PIK3R5: variants seen among roughly 807,000 people sequenced by gnomAD.
The protein encoded by PIK3R5 is phosphoinositide-3-kinase regulatory subunit 5.
Under a neutral mutation model 94.9 loss-of-function variants are expected in PIK3R5, and 32 were observed. That is an observed-to-expected ratio of 0.34 (90% CI 0.25 to 0.45). The LOEUF is 0.45. Ranked by LOEUF, PIK3R5 falls within the 20% of genes least tolerant of loss-of-function variation. The pLI is 1.00. For missense variants in PIK3R5, 853 were observed against 1,144.6 expected (o/e 0.75, Z 3.68); for synonymous variants, 443 against 479.4 (o/e 0.92, Z 0.99).
chr17:8,921,563 TA>T (rs1184078091), intron 1 of PIK3R5, among the ~76,000 whole-genome samples: 1 of 152,200 alleles, frequency 6.6e-6, no homozygotes, highest in Non-Finnish European at 1.5e-5. Flanking sequence ...CACAAATTAA[TA>T]TAGAAATCAA....
In PIK3R5 at chr17:8,884,841, C is replaced by T. The variant is rs1330596085; in HGVS notation, c.2129-58G>A. 8 of 1,486,520 alleles carry T rather than the reference C, an allele frequency of 5.4e-6. No homozygotes were observed. Among genetic ancestry groups the T allele is most frequent in the East Asian group, 4.5e-5 (2 of 44,286 alleles). 92.1% of individuals were successfully genotyped at this position (1,486,520 alleles called of 1,614,324 possible). A position where few individuals can be genotyped will look rare whatever the true frequency, so the allele number is the denominator to read the frequency against. ...CCTGGCTTCCCCGGCTCCTCACGAA[C>T]GCAGTGGCCTTGCCTCCCTGGGCCT... On this transcript the variant is annotated intron_variant, in intron 14 of 18. Transcript: ENST00000447110. The surrounding 1 kb of genome is among the most constrained non-coding windows in gnomAD (Gnocchi z 5.8).
In PIK3R5 at chr17:8,911,304, G is replaced by T. The variant is rs1177868994; in HGVS notation, c.103+88C>A. Reference sequence around the variant, plus strand: ...ACAGACAGGGTTTCACCTAGAATTTGCCAGTTTCCATGCCTGGTCCAGTGC... The same window carrying T: ...ACAGACAGGGTTTCACCTAGAATTTTCCAGTTTCCATGCCTGGTCCAGTGC... On this transcript the variant is annotated intron_variant, in intron 2 of 18. Transcript: ENST00000447110. The surrounding 1 kb of genome is among the most constrained non-coding windows in gnomAD (Gnocchi z 5.3). 3.0e-6 allele frequency: 3 copies of T among 991,008 alleles called. No individual in the cohort carries two copies. The highest frequency in any genetic ancestry group is 4.7e-6 in the Non-Finnish European group (3 of 643,216). 61.4% of individuals were successfully genotyped at this position (991,008 alleles called of 1,614,324 possible).
At position 8,881,107 on chromosome 17, in the gene PIK3R5, C is replaced by A. The variant is rs921245228; in HGVS notation, c.2383-90G>T. On this transcript the variant is annotated intron_variant, in intron 17 of 18. Transcript: ENST00000447110. This position sits in a 1 kb window ranked among gnomAD's most constrained non-coding sequence, Gnocchi z 4.8. ...TCCTTTTCTCAGAACTGCCCATCCA[C>A]TTCTAGGGGTGTGGGAGGGCAGGGG... 2.1e-6 allele frequency: 2 copies of A among 953,974 alleles called. No individual in the cohort carries two copies. The highest frequency in any genetic ancestry group is 4.8e-5 in the East Asian group (2 of 41,578). 59.1% of individuals were successfully genotyped at this position (953,974 alleles called of 1,614,324 possible).
rs1187653320 is a variant in PIK3R5, at chr17:8,925,070, A to G, written c.-13-13563T>C. Among the ~76,000 whole-genome samples the G allele has an allele frequency of 6.6e-6, 1 of 152,180 alleles. No individual in the cohort carries two copies. The highest frequency in any genetic ancestry group is 2.4e-5 in the African/African-American group (1 of 41,448). On this transcript the variant is annotated intron_variant, in intron 1 of 18. Coordinates refer to ENST00000447110, the MANE Select transcript of PIK3R5 (RefSeq NM_001142633.3). The surrounding 1 kb of genome is among the most constrained non-coding windows in gnomAD (Gnocchi z 5.1). ...AGATAGATAGATAGTAGATGGATAG[A>G]TGGATAGATAGATAGTGGATAGATA...
Position 8,896,469 on chromosome 17 carries a change from GGTT to G in PIK3R5, c.413-2817_413-2815del, listed in dbSNP as rs1487311830. Among the ~76,000 whole-genome samples the G allele has an allele frequency of 2.6e-5, 4 of 152,110 alleles. No homozygotes were observed. The highest frequency in any genetic ancestry group is 2.0e-4 in the Admixed American group (3 of 15,284). On this transcript the variant is annotated intron_variant, in intron 5 of 18. Transcript: ENST00000447110. The surrounding 1 kb of genome is among the most constrained non-coding windows in gnomAD (Gnocchi z 4.0). ...AAGGGCTAAACAAAAATCTTGCCTG[GGTT>G]GTTCCTACGTCAGGCTCTAGCAAGT...
Position 8,890,979 on chromosome 17 carries a change from C to T in PIK3R5, c.483-67G>A. ...AGCATGCCACAGTGCAGCCACCCCC[C>T]TCGTGCCTGCTGGTGCTCAGCTCCA... is the stretch of plus-strand genomic sequence containing the variant. On this transcript the variant is annotated intron_variant, in intron 6 of 18. Coordinates refer to ENST00000447110, the MANE Select transcript of PIK3R5 (RefSeq NM_001142633.3). This position sits in a 1 kb window ranked among gnomAD's most constrained non-coding sequence, Gnocchi z 6.1. The T allele has an allele frequency of 6.8e-7, 1 of 1,469,252 alleles. No individual in the cohort carries two copies. Among genetic ancestry groups the T allele is most frequent in the Non-Finnish European group, 9.2e-7 (1 of 1,082,902 alleles). 91.0% of individuals were successfully genotyped at this position (1,469,252 alleles called of 1,614,324 possible). A position where few individuals can be genotyped will look rare whatever the true frequency, so the allele number is the denominator to read the frequency against.
At chr17:8,952,687 A>G (rs1221212760) in intron 1 of PIK3R5, among the ~76,000 whole-genome samples, 1 of 152,250 alleles carries the variant, frequency 6.6e-6, no homozygotes, top group Non-Finnish European at 1.5e-5. Context: ...ATGAGAATAA[A>G]TTATGGGCAT....
At chr17:8,934,184 C>T (rs1033663607) in intron 1 of PIK3R5, among the ~76,000 whole-genome samples, 2 of 152,108 alleles carry the variant, frequency 1.3e-5, no homozygotes, top group African/African-American at 4.8e-5. Context: ...CTTAGAAAAT[C>T]CTAAGGAATC....
intron 1 of PIK3R5, among the ~76,000 whole-genome samples, chr17:8,943,569 G>A (rs371417525): frequency 6.6e-6 from 1 of 152,062 alleles, no homozygotes; most frequent in Non-Finnish European, 1.5e-5. Flanking sequence ...TCAGGAGTTC[G>A]AGACCAGCCT....
rs1413587682 is a variant in PIK3R5, at chr17:8,909,808, C to G, written c.104-634G>C. Among the ~76,000 whole-genome samples the G allele has an allele frequency of 3.9e-5, 6 of 152,224 alleles. No individual in the cohort carries two copies. The highest frequency in any genetic ancestry group is 8.8e-5 in the Non-Finnish European group (6 of 68,044). ...CAGTTCTCCCACAACCTCTCCTGCC[C>G]TGGTTTCCTACAGTGGGTTCTGGTA... On this transcript the variant is annotated intron_variant, in intron 2 of 18. Coordinates refer to ENST00000447110, the MANE Select transcript of PIK3R5 (RefSeq NM_001142633.3). This position sits in a 1 kb window ranked among gnomAD's most constrained non-coding sequence, Gnocchi z 4.3.
chr17:8,964,259 G>A (rs1245722576), intron 1 of PIK3R5, among the ~76,000 whole-genome samples: 1 of 152,050 alleles, frequency 6.6e-6, no homozygotes, highest in South Asian at 2.1e-4. Context: ...GGGCGCCGTG[G>A]TGCTGACCTG....
At chr17:8,947,671 C>T (rs10491087) in intron 1 of PIK3R5, among the ~76,000 whole-genome samples, 6,555 of 152,088 alleles carry the variant, frequency 0.043, 198 homozygotes, top group Non-Finnish European at 0.063. Flanking sequence ...CTGGGGCATA[C>T]GTCAAGATGG....
Position 8,889,731 on chromosome 17 carries a change from G to C in PIK3R5, c.811+242C>G, listed in dbSNP as rs34374806. The stretch of plus-strand genomic sequence containing the variant: ...CCTTCAACAGAAAAGCCCAGCCTTT[G>C]CCCTCGTAAGCACTCTCTTTTCCTC... On this transcript the variant is annotated intron_variant, in intron 8 of 18. Coordinates refer to ENST00000447110, the MANE Select transcript of PIK3R5 (RefSeq NM_001142633.3). The surrounding 1 kb of genome is among the most constrained non-coding windows in gnomAD (Gnocchi z 4.1). Among the ~76,000 whole-genome samples, 641 of 152,216 alleles carry C rather than the reference G, an allele frequency of 4.2e-3. No individual in the cohort carries two copies. The highest frequency in any genetic ancestry group is 0.01 in the Middle Eastern group (3 of 294).
At chr17:8,914,687 C>T (rs111523203) in intron 1 of PIK3R5, among the ~76,000 whole-genome samples, 1 of 152,224 alleles carries the variant, frequency 6.6e-6, no homozygotes, top group African/African-American at 2.4e-5. Context: ...CCGGCAAACT[C>T]GCTCGCCTGC....
chr17:8,935,354 G>C lies in PIK3R5; in HGVS notation c.-13-23847C>G, dbSNP rs932921209. On this transcript the variant is annotated intron_variant, in intron 1 of 18. Transcript: ENST00000447110. The surrounding 1 kb of genome is among the most constrained non-coding windows in gnomAD (Gnocchi z 4.5). ...TGATGTTATGACCATATGAGCAATA[G>C]GGGATATTCCTCTGGCTTCAAGGGG... 2.0e-5 allele frequency among the ~76,000 whole-genome samples: 3 copies of C among 152,174 alleles called. No individual in the cohort carries two copies. Among genetic ancestry groups the C allele is most frequent in the African/African-American group, 7.2e-5 (3 of 41,432 alleles).
In PIK3R5 at chr17:8,911,123, C is replaced by T. The variant is rs903259646; in HGVS notation, c.103+269G>A. Among the ~76,000 whole-genome samples, 12 of 152,136 alleles carry T rather than the reference C, an allele frequency of 7.9e-5. No individual in the cohort carries two copies. The highest frequency in any genetic ancestry group is 5.9e-5 in the Non-Finnish European group (4 of 68,038). Reference sequence around the variant, plus strand: ...GCAGTTGTGGTTTTCTAAGCAGATTCGATGGATTCTTCCAGAAGTAAAAGG... The same window carrying T: ...GCAGTTGTGGTTTTCTAAGCAGATTTGATGGATTCTTCCAGAAGTAAAAGG... On this transcript the variant is annotated intron_variant, in intron 2 of 18. Transcript: ENST00000447110. The surrounding 1 kb of genome is among the most constrained non-coding windows in gnomAD (Gnocchi z 5.3).
intron 1 of PIK3R5, among the ~76,000 whole-genome samples, chr17:8,924,627 G>A (rs2090832849): frequency 6.6e-6 from 1 of 152,014 alleles, no homozygotes; most frequent in South Asian, 2.1e-4. Flanking sequence ...CCAACAGCAG[G>A]TCATTGTTCT....
At chr17:8,923,277 A>G (rs1486970001) in intron 1 of PIK3R5, among the ~76,000 whole-genome samples, 2 of 152,238 alleles carry the variant, frequency 1.3e-5, no homozygotes, top group Non-Finnish European at 2.9e-5. Context: ...ACCCAGGTAC[A>G]GTACCGAAAA....
At position 8,955,054 on chromosome 17, in the gene PIK3R5, T is replaced by C. The variant is rs73254511; in HGVS notation, c.-14+10542A>G. Among the ~76,000 whole-genome samples, 2,186 of 152,160 alleles carry C rather than the reference T, an allele frequency of 0.014. 50 individuals carry two copies. Among genetic ancestry groups the C allele is most frequent in the African/African-American group, 0.05 (2,093 of 41,502 alleles). On this transcript the variant is annotated intron_variant, in intron 1 of 18. Transcript: ENST00000447110. The surrounding 1 kb of genome is among the most constrained non-coding windows in gnomAD (Gnocchi z 4.4). Reference sequence around the variant, plus strand: ...GCAGCCCAGAGGAGGACACCTGCCTTGTCCCACAGTGGATCACAAAGCCAC... The same window carrying C: ...GCAGCCCAGAGGAGGACACCTGCCTCGTCCCACAGTGGATCACAAAGCCAC...
Sources: allele counts gnomAD v4.1 joint callset (sites outside exome capture counted in the v4.1 genomes callset), GRCh38; gene constraint gnomAD v4.1.1; non-coding constraint Gnocchi (gnomAD v3.1); transcripts MANE v1.5; gene names NCBI Gene and HGNC (gene_info 2026-07-23, HGNC 2026-07-21).